The following ENOX1 variants were observed in gnomAD, a reference collection of about 807,000 sequenced individuals.
The protein encoded by ENOX1 is ecto-NOX disulfide-thiol exchanger 1, also known as candidate growth-related and time keeping constitutive hydroquinone (NADH) oxidase.
Under a neutral mutation model 82.5 loss-of-function variants are expected in ENOX1, and 42 were observed. That is an observed-to-expected ratio of 0.51 (90% CI 0.40 to 0.66). The LOEUF (loss-of-function observed/expected upper bound fraction) is 0.66, where lower values mean the gene tolerates loss of function less well. Ranked by LOEUF, ENOX1 falls within the 30% of genes least tolerant of loss-of-function variation. The pLI is 0.00. For synonymous variants in ENOX1, 271 were observed against 282.2 expected, an observed-to-expected ratio of 0.96 and a Z score of 0.40; for missense variants, 608 against 811.6, an observed-to-expected ratio of 0.75 and a Z score of 3.05.
chr13:43,487,956 C>T (rs2076488143), intron 2 of ENOX1, among the ~76,000 whole-genome samples: 1 of 152,162 alleles, frequency 6.6e-6, no homozygotes, highest in Admixed American at 6.5e-5. Context: ...AAAAGCTTGG[C>T]AGGAATCTCA....
chr13:43,758,186 A>G (rs1294065122), intron 1 of ENOX1, among the ~76,000 whole-genome samples: 1 of 152,148 alleles, frequency 6.6e-6, no homozygotes, highest in Non-Finnish European at 1.5e-5. Context: ...CAGTGAGCCA[A>G]GATCACATCA....
chr13:43,355,004 T>C (rs117019205), intron 8 of ENOX1, among the ~76,000 whole-genome samples: 6 of 152,354 alleles, frequency 3.9e-5, no homozygotes, highest in African/African-American at 9.6e-5. Flanking sequence ...AATCATGCCA[T>C]TGACTTGGTA....
chr13:43,500,874 CTG>C (rs1167011911), intron 2 of ENOX1, among the ~76,000 whole-genome samples: 1 of 151,754 alleles, frequency 6.6e-6, no homozygotes, highest in African/African-American at 2.4e-5. Context: ...TTAAAATAGA[CTG>C]TTATAAGAAG....
chr13:43,241,449 T>G lies in ENOX1; in HGVS notation c.1612-4711A>C, dbSNP rs28688876. On this transcript the variant is annotated intron_variant, in intron 14 of 16. Coordinates refer to ENST00000690772, the MANE Select transcript of ENOX1 (RefSeq NM_001347969.2). ...AAGGTTACTATGTATGAATTGTTAG[T>G]GGTATACAAAGTACACAGCGGGACG... 9.5e-3 allele frequency among the ~76,000 whole-genome samples: 1,440 copies of G among 152,252 alleles called. 26 individuals carry two copies. Among genetic ancestry groups the G allele is most frequent in the African/African-American group, 0.033 (1,364 of 41,538 alleles).
rs142051997 is a variant in ENOX1 at position 43,524,493 on chromosome 13, C to T, written c.-218-40341G>A. Reference sequence around the variant, plus strand: ...ATGTATGAAACAAGGCCCCTCCTCACGCCCTCCACCCTGGCCACCATCATG... The same window carrying T: ...ATGTATGAAACAAGGCCCCTCCTCATGCCCTCCACCCTGGCCACCATCATG... On this transcript the variant is annotated intron_variant, in intron 2 of 16. Coordinates refer to ENST00000690772, the MANE Select transcript of ENOX1 (RefSeq NM_001347969.2). Among the ~76,000 whole-genome samples the T allele has an allele frequency of 3.4e-4, 52 of 152,236 alleles. 1 individual carries two copies. The East Asian group carries it at 8.9e-3, about 26-fold the overall frequency.
chr13:43,621,314 T>C (rs1212198525), intron 2 of ENOX1, among the ~76,000 whole-genome samples: 1 of 152,194 alleles, frequency 6.6e-6, no homozygotes, highest in Non-Finnish European at 1.5e-5. Flanking sequence ...TTTGTTTTTT[T>C]GCTTTTTAAC....
intron 1 of ENOX1, among the ~76,000 whole-genome samples, chr13:43,668,824 A>C (rs1653743526): frequency 1.3e-5 from 2 of 152,194 alleles, no homozygotes; most frequent in Admixed American, 1.3e-4. Context: ...AAGGATGAGG[A>C]AAGATCTTTT....
intron 12 of ENOX1, among the ~76,000 whole-genome samples, chr13:43,282,452 CT>C (rs558705645): frequency 1.6e-3 from 231 of 142,350 alleles, no homozygotes; most frequent in Admixed American, 2.2e-3. Flanking sequence ...ATTCTTTTTT[CT>C]TTTTTTTTTT....
chr13:43,463,811 C>T (rs574900565), intron 3 of ENOX1, among the ~76,000 whole-genome samples: 129 of 152,252 alleles, frequency 8.5e-4, no homozygotes, highest in African/African-American at 2.9e-3. Flanking sequence ...TTCATGACAA[C>T]TAGATTCAAA....
intron 2 of ENOX1, among the ~76,000 whole-genome samples, chr13:43,633,166 A>T (rs1245925299): frequency 6.6e-6 from 1 of 152,214 alleles, no homozygotes; most frequent in Non-Finnish European, 1.5e-5. Context: ...GTAAAAAGGC[A>T]TTCAAACTCA....
chr13:43,617,703 T>C (rs1300819105), intron 2 of ENOX1, among the ~76,000 whole-genome samples: 2 of 152,248 alleles, frequency 1.3e-5, no homozygotes, highest in African/African-American at 4.8e-5. Context: ...AAGTGTCTTT[T>C]TCAAATAATG....
chr13:43,512,188 G>A (rs988564689), intron 2 of ENOX1, among the ~76,000 whole-genome samples: 2 of 152,050 alleles, frequency 1.3e-5, no homozygotes, highest in Non-Finnish European at 1.5e-5. Context: ...ACAATTACAT[G>A]AGAGTTGTCC....
intron 11 of ENOX1, among the ~76,000 whole-genome samples, chr13:43,320,489 C>T (rs988583741): frequency 1.3e-5 from 2 of 152,124 alleles, no homozygotes; most frequent in Non-Finnish European, 2.9e-5. Flanking sequence ...TCCGTCGATG[C>T]TTCTGCAGCA....
Position 43,621,156 on chromosome 13 carries a change from T to C in ENOX1, c.-219+46323A>G, listed in dbSNP as rs116484329. Among the ~76,000 whole-genome samples, 588 of 152,294 alleles carry C rather than the reference T, an allele frequency of 3.9e-3. 2 individuals carry two copies. The highest frequency in any genetic ancestry group is 0.013 in the African/African-American group (531 of 41,566). ...GTCCTTATGTGCGAGGTGAGTCTCCTGAAGGCAGCAGATGGTTGGTGAGTT... is the reference window on the plus strand; with the variant it reads ...GTCCTTATGTGCGAGGTGAGTCTCCCGAAGGCAGCAGATGGTTGGTGAGTT... On this transcript the variant is annotated intron_variant, in intron 2 of 16. Coordinates refer to ENST00000690772, the MANE Select transcript of ENOX1 (RefSeq NM_001347969.2).
chr13:43,224,919 A>G (rs2041955223), intron 15 of ENOX1, among the ~76,000 whole-genome samples: 1 of 152,260 alleles, frequency 6.6e-6, no homozygotes, highest in African/African-American at 2.4e-5. Flanking sequence ...ATCCAAAATC[A>G]AAATAGTGAA....
At chr13:43,341,594 G>T (rs1461464295) in intron 9 of ENOX1, among the ~76,000 whole-genome samples, 1 of 152,186 alleles carries the variant, frequency 6.6e-6, no homozygotes, top group Admixed American at 6.5e-5. Context: ...TAGGGACAGT[G>T]AATATTCTCT....
intron 5 of ENOX1, among the ~76,000 whole-genome samples, chr13:43,371,466 C>T (rs899685931): frequency 6.6e-6 from 1 of 152,110 alleles, no homozygotes; most frequent in African/African-American, 2.4e-5. Flanking sequence ...GATATAAAGC[C>T]CACTATAGTC....
chr13:43,528,731 C>A (rs924184177), intron 2 of ENOX1, among the ~76,000 whole-genome samples: 2 of 151,992 alleles, frequency 1.3e-5, no homozygotes, highest in Non-Finnish European at 1.5e-5. Flanking sequence ...AAGTTTTCCA[C>A]GAGAATTTTA....
chr13:43,592,175 T>C (rs1344578184), intron 2 of ENOX1, among the ~76,000 whole-genome samples: 1 of 152,236 alleles, frequency 6.6e-6, no homozygotes, highest in Non-Finnish European at 1.5e-5. Context: ...AGATATAAAA[T>C]GTGAAAGGAG....
Sources: allele counts gnomAD v4.1 joint callset (sites outside exome capture counted in the v4.1 genomes callset), GRCh38; gene constraint gnomAD v4.1.1; transcripts MANE v1.5; gene names NCBI Gene and HGNC (gene_info 2026-07-23, HGNC 2026-07-21).